CDKAL1: variants seen among roughly 807,000 people sequenced by gnomAD.
The protein encoded by CDKAL1 is threonylcarbamoyladenosine tRNA methylthiotransferase.
Under a neutral mutation model 68.2 loss-of-function variants are expected in CDKAL1, and 32 were observed. The observed-to-expected ratio is 0.47, with a 90% CI of 0.35 to 0.63. The LOEUF is 0.63. Among genes scored for constraint, CDKAL1 ranks in the 30% least tolerant of loss-of-function variants. CDKAL1 has a pLI of 0.00. For missense variants in CDKAL1, 606 were observed against 696.7 expected, an observed-to-expected ratio of 0.87 and a Z score of 1.47; for synonymous variants, 234 against 244.3, an observed-to-expected ratio of 0.96 and a Z score of 0.39.
chr6:20,789,995 T>C (rs1054724886), intron 8 of CDKAL1, among the ~76,000 whole-genome samples: 8 of 152,224 alleles, frequency 5.3e-5, no homozygotes, highest in Non-Finnish European at 1.0e-4. Flanking sequence ...CTCACTTTGT[T>C]ATGTTGCCCA....
At chr6:21,025,416 T>G (rs1030270606) in intron 11 of CDKAL1, among the ~76,000 whole-genome samples, 1 of 152,222 alleles carries the variant, frequency 6.6e-6, no homozygotes, top group Non-Finnish European at 1.5e-5. Context: ...TTTGGTTTAG[T>G]TTATTTGTAT....
chr6:20,569,805 A>C (rs1764622983), intron 4 of CDKAL1, among the ~76,000 whole-genome samples: 1 of 152,096 alleles, frequency 6.6e-6, no homozygotes, highest in Non-Finnish European at 1.5e-5. Flanking sequence ...TATCTAAGTC[A>C]CTCCTTTTTG....
chr6:20,942,763 T>G lies in CDKAL1; in HGVS notation c.743-12656T>G, dbSNP rs528076739. On this transcript the variant is annotated intron_variant, in intron 9 of 15. Transcript: ENST00000274695. ...CAAGGTCAGAAGATCGAGACCATCC[T>G]GGCCAACATGGTGAAACCCCATCTC... Among the ~76,000 whole-genome samples the G allele has an allele frequency of 2.7e-5, 4 of 150,426 alleles. No homozygotes were observed. In the East Asian group the frequency reaches 6.1e-4, roughly 23 times the overall value.
intron 15 of CDKAL1, among the ~76,000 whole-genome samples, chr6:21,221,068 G>A (rs901123267): frequency 6.6e-6 from 1 of 152,134 alleles, no homozygotes; most frequent in Admixed American, 6.5e-5. Context: ...TCGGGAGGCT[G>A]AAGCAGGAGA....
chr6:21,166,891 G>C (rs1043542573), intron 13 of CDKAL1, among the ~76,000 whole-genome samples: 2 of 152,190 alleles, frequency 1.3e-5, no homozygotes, highest in African/African-American at 4.8e-5. Context: ...AAGAGGGCAG[G>C]TGTGAAAGTG....
At chr6:20,642,493 A>AAC (rs1478142171) in intron 4 of CDKAL1, among the ~76,000 whole-genome samples, 10 of 151,044 alleles carry the variant, frequency 6.6e-5, no homozygotes, top group African/African-American at 2.2e-4. Flanking sequence ...AAAAAAAAAA[A>AAC]CACTGCGAGG....
In CDKAL1 at chr6:20,849,360, G is replaced by C. The variant is rs1581695611; in HGVS notation, c.742+3182G>C. 2.0e-5 allele frequency among the ~76,000 whole-genome samples: 3 copies of C among 152,130 alleles called. No homozygotes were observed. In the East Asian group the frequency reaches 5.8e-4, roughly 30 times the overall value. ...GCACTTTGGGAGGCCAAGGCGGGTG[G>C]ATCACAAGGTCAGGAGATCGAGACC... On this transcript the variant is annotated intron_variant, in intron 9 of 15. Coordinates refer to ENST00000274695, the MANE Select transcript of CDKAL1 (RefSeq NM_017774.3).
At chr6:21,212,189 T>C (rs1779180036) in intron 15 of CDKAL1, among the ~76,000 whole-genome samples, 1 of 152,262 alleles carries the variant, frequency 6.6e-6, no homozygotes, top group East Asian at 1.9e-4. Flanking sequence ...GCAGTGCCTG[T>C]TTCATGGTTA....
At chr6:21,154,809 G>A (rs557614566) in intron 13 of CDKAL1, among the ~76,000 whole-genome samples, 2 of 152,192 alleles carry the variant, frequency 1.3e-5, no homozygotes, top group African/African-American at 4.8e-5. Flanking sequence ...CCAACATGAT[G>A]AAACCCTGCC....
At chr6:21,201,694 T>C (rs1317862071) in intron 15 of CDKAL1, among the ~76,000 whole-genome samples, 2 of 152,224 alleles carry the variant, frequency 1.3e-5, no homozygotes, top group East Asian at 3.8e-4. Context: ...AACCATATCA[T>C]ATATGCAGTT....
At chr6:21,104,037 G>A (rs984971466) in intron 12 of CDKAL1, among the ~76,000 whole-genome samples, 4 of 152,178 alleles carry the variant, frequency 2.6e-5, no homozygotes, top group African/African-American at 7.2e-5. Flanking sequence ...AATAATGGCC[G>A]TGTTTTAGTT....
chr6:20,549,510 T>C (rs1016614267), intron 4 of CDKAL1, among the ~76,000 whole-genome samples: 3 of 152,154 alleles, frequency 2.0e-5, no homozygotes, highest in Admixed American at 1.3e-4. Context: ...TGGTGGATCT[T>C]GTCTGCAACA....
At chr6:21,066,296 A>C (rs992013043) in intron 12 of CDKAL1, among the ~76,000 whole-genome samples, 1 of 152,140 alleles carries the variant, frequency 6.6e-6, no homozygotes, top group Admixed American at 6.5e-5. Context: ...CTTTCTGTCT[A>C]TACAAGGGTA....
chr6:21,213,069 A>G (rs1779217229), intron 15 of CDKAL1, among the ~76,000 whole-genome samples: 3 of 152,038 alleles, frequency 2.0e-5, no homozygotes, highest in African/African-American at 7.2e-5. Context: ...CCTCCTTGAA[A>G]ACATCCGTTT....
intron 5 of CDKAL1, among the ~76,000 whole-genome samples, chr6:20,707,851 T>A (rs1450003982): frequency 6.6e-6 from 1 of 152,212 alleles, no homozygotes; most frequent in East Asian, 1.9e-4. Flanking sequence ...CCAAAATCTT[T>A]AAAAATGTAC....
At chr6:20,823,745 C>T (rs115448223) in intron 8 of CDKAL1, among the ~76,000 whole-genome samples, 1,726 of 152,186 alleles carry the variant, frequency 0.011, 28 homozygotes, top group African/African-American at 0.039. Flanking sequence ...ACAATGTTAC[C>T]ATCATACAAA....
At chr6:20,641,373 C>G (rs990443123) in intron 4 of CDKAL1, among the ~76,000 whole-genome samples, 7 of 151,974 alleles carry the variant, frequency 4.6e-5, no homozygotes, top group Admixed American at 4.6e-4. Flanking sequence ...TCATGTGTCC[C>G]TTCTCAGGAT....
intron 13 of CDKAL1, among the ~76,000 whole-genome samples, chr6:21,171,358 G>T (rs765081114): frequency 6.6e-6 from 1 of 151,790 alleles, no homozygotes. Flanking sequence ...GATTACAGGC[G>T]CCCACCACCA....
intron 8 of CDKAL1, among the ~76,000 whole-genome samples, chr6:20,811,420 T>C (rs944212887): frequency 1.3e-5 from 2 of 152,236 alleles, no homozygotes; most frequent in Admixed American, 1.3e-4. Flanking sequence ...ACTCACCTTG[T>C]GTCTTAAGTA....
Sources: allele counts gnomAD v4.1 joint callset (sites outside exome capture counted in the v4.1 genomes callset), GRCh38; gene constraint gnomAD v4.1.1; transcripts MANE v1.5; gene names NCBI Gene and HGNC (gene_info 2026-07-23, HGNC 2026-07-21).